MYOM2: variants seen among roughly 807,000 people sequenced by gnomAD.
MYOM2 encodes myomesin-2.
A neutral mutation model predicts 187.6 loss-of-function variants in MYOM2; 254 were observed. That is an observed-to-expected ratio of 1.35 (90% CI 1.22 to 1.50). MYOM2 has a LOEUF of 1.50. Ranked by LOEUF, MYOM2 falls within the 40% of genes most tolerant of loss-of-function variation. The pLI, the probability that MYOM2 is intolerant of heterozygous loss-of-function variation, is 0.00. For missense variants in MYOM2, 2,796 were observed against 1,924.0 expected (o/e 1.45, Z -8.48); for synonymous variants, 981 against 753.8 (o/e 1.30, Z -4.94).
At chr8:2,141,068 G>C (rs1199214483) in intron 33 of MYOM2, 73 bp from the exon 34 acceptor site, 1 of 1,452,854 alleles carries the variant, frequency 6.9e-7, no homozygotes, top group Non-Finnish European at 9.5e-7. Context: ...AGATTCACTG[G>C]TATAATATTT....
In MYOM2 at chr8:2,078,945, A is replaced by C. The variant is rs1482195379; in HGVS notation, c.1462+12A>C. ...CAGAAGGTTACAAGGTAAGCTGCTC[A>C]CGCCTAAGTATCCACTGTGCCCAGG... On this transcript the variant is annotated intron_variant, in intron 12 of 36. Coordinates refer to ENST00000262113, the MANE Select transcript of MYOM2 (RefSeq NM_003970.4). 2 of 1,612,576 alleles carry C rather than the reference A, an allele frequency of 1.2e-6. No individual in the cohort carries two copies. The highest frequency in any genetic ancestry group is 1.1e-5 in the South Asian group (1 of 91,004).
intron 21 of MYOM2, among the ~76,000 whole-genome samples, chr8:2,104,471 G>A (rs1158700944): frequency 1.3e-5 from 2 of 152,102 alleles, no homozygotes; most frequent in Admixed American, 6.5e-5. Flanking sequence ...TGGGCATGGT[G>A]TTGGGCGCCT....
At chr8:2,104,478 G>A (rs372955303) in intron 21 of MYOM2, among the ~76,000 whole-genome samples, 7 of 152,148 alleles carry the variant, frequency 4.6e-5, no homozygotes, top group South Asian at 4.2e-4. Context: ...GGTGTTGGGC[G>A]CCTGTAGTCC....
Position 2,123,573 on chromosome 8 carries a change from G to C in MYOM2, c.3586G>C (p.Gly1196Arg). 6.2e-7 allele frequency: 1 copy of C among 1,614,066 alleles called. No individual in the cohort carries two copies. The highest frequency in any genetic ancestry group is 2.2e-5 in the East Asian group (1 of 44,878). ...LIPKLSKKDH[G>R]EYKATLKDDR... ...TTTGTAGTTGTCAAAGAAGGACCAC[G>C]GTGAATACAAGGCAACCTTGAAAGA... is the stretch of plus-strand genomic sequence containing the variant. The change falls in exon 30 of 37, where the codon GGT becomes CGT. Residue 1196 changes from glycine (G) to arginine (R), a missense_variant. Gly to Arg is a moderately radical substitution (Grantham distance 125). Coordinates refer to ENST00000262113, the MANE Select transcript of MYOM2 (RefSeq NM_003970.4).
chr8:2,123,159 G>T (rs913877625), intron 28 of MYOM2, 93 bp from the exon 29 acceptor site: 2 of 790,580 alleles, frequency 2.5e-6, no homozygotes, highest in South Asian at 2.0e-5. Flanking sequence ...GTTTTTTGAG[G>T]GGGGGGCTCT....
chr8:2,055,097 G>C (rs1480138001), intron 3 of MYOM2, among the ~76,000 whole-genome samples: 1 of 24,878 alleles, frequency 4.0e-5, no homozygotes, highest in Non-Finnish European at 1.2e-4. Context: ...GAAGTACCTG[G>C]ATACTGGGGT....
chr8:2,145,339 CTT>C lies in MYOM2; in HGVS notation c.*360_*361del. On this transcript the variant is annotated 3_prime_UTR_variant, in exon 37 of 37. Transcript: ENST00000262113. ...GTCTGTGTGAAGCCACCGTGCTTCT[CTT>C]TGGGGGGCCGCGAGATCTAGCATCT... The C allele has an allele frequency of 3.0e-6, 1 of 332,276 alleles. No individual in the cohort carries two copies. The highest frequency in any genetic ancestry group is 5.4e-6 in the Non-Finnish European group (1 of 184,722). 20.6% of individuals were successfully genotyped at this position (332,276 alleles called of 1,614,324 possible). A position where few individuals can be genotyped will look rare whatever the true frequency, so the allele number is the denominator to read the frequency against.
At chr8:2,109,682 AT>A in intron 25 of MYOM2, 151 bp downstream of exon 25, 1 of 835,606 alleles carries the variant, frequency 1.2e-6, no homozygotes, top group Non-Finnish European at 1.8e-6. Context: ...ATGAATGGAG[AT>A]GGTTGATTCT....
chr8:2,073,437 T>C lies in MYOM2; in HGVS notation c.1057T>C (p.Tyr353His). ...CCTGCACAAGGACGACGAGGGCCTGTACACCCTGCGCATCGTGTCTCGGGG... is the reference window on the plus strand; with the variant it reads ...CCTGCACAAGGACGACGAGGGCCTGCACACCCTGCGCATCGTGTCTCGGGG... The part of the protein sequence containing the change: ...SHLHKDDEGL[Y>H]TLRIVSRGGV... The change falls in exon 10 of 37, where the codon TAC (tyrosine) becomes CAC (histidine). Residue 353 changes from tyrosine to histidine, a missense_variant. Physicochemically the swap from Tyr to His is moderately conservative, Grantham distance 83 (BLOSUM62 2). Coordinates refer to ENST00000262113, the MANE Select transcript of MYOM2 (RefSeq NM_003970.4). 6.2e-7 allele frequency: 1 copy of C among 1,612,538 alleles called. No homozygotes were observed. The highest frequency in any genetic ancestry group is 8.5e-7 in the Non-Finnish European group (1 of 1,179,810).
At chr8:2,092,261 C>G in intron 15 of MYOM2, 85 bp from the exon 16 acceptor site, 1 of 1,483,036 alleles carries the variant, frequency 6.7e-7, no homozygotes, top group Admixed American at 1.8e-5. Context: ...CTGTCCAGTT[C>G]CCTGTGAAAA....
At chr8:2,089,783 A>T (rs1371787355) in intron 14 of MYOM2, among the ~76,000 whole-genome samples, 1 of 152,206 alleles carries the variant, frequency 6.6e-6, no homozygotes, top group East Asian at 1.9e-4. Context: ...AAAAAAATTT[A>T]TTAGTAAACA....
intron 25 of MYOM2, among the ~76,000 whole-genome samples, chr8:2,109,881 C>T (rs983281470): frequency 2.0e-5 from 3 of 152,078 alleles, no homozygotes; most frequent in Admixed American, 6.5e-5. Flanking sequence ...CTATTTTTTG[C>T]TGTATTGTGA....
intron 32 of MYOM2, among the ~76,000 whole-genome samples, chr8:2,139,434 C>G (rs1353347553): frequency 6.6e-6 from 1 of 152,200 alleles, no homozygotes; most frequent in Non-Finnish European, 1.5e-5. Flanking sequence ...AGCCACCACA[C>G]CCGGCCTGAG....
intron 5 of MYOM2, among the ~76,000 whole-genome samples, chr8:2,058,563 C>G (rs1377052550): frequency 6.6e-6 from 1 of 152,168 alleles, no homozygotes; most frequent in Non-Finnish European, 1.5e-5. Context: ...ACATATATTG[C>G]TAAAGTTATA....
Position 2,073,508 on chromosome 8 carries a change from C to T in MYOM2, c.1120+8C>T. The T allele has an allele frequency of 6.3e-7, 1 of 1,592,314 alleles. No homozygotes were observed. Among genetic ancestry groups the T allele is most frequent in the Non-Finnish European group, 8.5e-7 (1 of 1,175,896 alleles). ...CCTTCCTGTTTGTCAGAGGTGCGGG[C>T]AGCAGGGTTCTCAGGGTGCAGACCT... On this transcript the variant is annotated splice_region_variant and intron_variant, in intron 10 of 36. Coordinates refer to ENST00000262113, the MANE Select transcript of MYOM2 (RefSeq NM_003970.4).
intron 19 of MYOM2, among the ~76,000 whole-genome samples, chr8:2,099,783 T>A (rs1476254097): frequency 6.6e-6 from 1 of 152,216 alleles, no homozygotes; most frequent in African/African-American, 2.4e-5. Flanking sequence ...GTCTCTAACC[T>A]ATCAGGAATT....
At chr8:2,143,252 CAT>C (rs1798340245) in intron 35 of MYOM2, 147 bp from the exon 36 acceptor site, 2 of 877,374 alleles carry the variant, frequency 2.3e-6, no homozygotes, top group Non-Finnish European at 3.7e-6. Flanking sequence ...CAACTGTAAA[CAT>C]ATAAACCTTT....
intron 8 of MYOM2, among the ~76,000 whole-genome samples, chr8:2,070,128 G>C (rs1458498358): frequency 6.6e-6 from 1 of 152,172 alleles, no homozygotes; most frequent in African/African-American, 2.4e-5. Flanking sequence ...GAGGTGAGGC[G>C]GTCCCCATGA....
chr8:2,078,860 G>C lies in MYOM2; in HGVS notation c.1389G>C (p.Ala463=). 5 of 1,613,998 alleles carry C rather than the reference G, an allele frequency of 3.1e-6. No homozygotes were observed. Among genetic ancestry groups the C allele is most frequent in the Non-Finnish European group, 4.2e-6 (5 of 1,179,948 alleles). ...YIFRVRAVNS[A]GISRPSRVSD... The stretch of plus-strand genomic sequence containing the variant: ...TCCGAGTGAGGGCAGTGAACAGTGC[G>C]GGCATCAGCCGACCCTCCAGGGTCT... Residue 463 remains alanine (A), a synonymous_variant, in exon 12 of 37, where the codon GCG becomes GCC. Coordinates refer to ENST00000262113, the MANE Select transcript of MYOM2 (RefSeq NM_003970.4).
Sources: allele counts gnomAD v4.1 joint callset (sites outside exome capture counted in the v4.1 genomes callset), GRCh38; gene constraint gnomAD v4.1.1; transcripts MANE v1.5; gene names NCBI Gene and HGNC (gene_info 2026-07-23, HGNC 2026-07-21).